Variants in ROBO2 observed in about 807,000 individuals in gnomAD.
ROBO2 encodes the protein roundabout homolog 2.
In ROBO2, 53 loss-of-function variants were observed where a neutral mutation model predicts 160.8. The observed-to-expected ratio is 0.33, with a 90% CI of 0.26 to 0.41. ROBO2 has a LOEUF of 0.41. ROBO2 is among the 10% of genes least tolerant of loss of function. The probability of loss-of-function intolerance (pLI) is 1.00; values close to 1 mark genes in which losing one functional copy is unlikely to be tolerated. For missense variants in ROBO2, 1,577 were observed against 1,722.4 expected (o/e 0.92, Z 1.49); for synonymous variants, 664 against 611.7 (o/e 1.09, Z -1.26).
At chr3:76,379,547 G>A (rs546169283) in intron 2 of ROBO2, among the ~76,000 whole-genome samples, 16 of 152,146 alleles carry the variant, frequency 1.1e-4, no homozygotes, top group East Asian at 9.7e-4. Flanking sequence ...ACCATGAAAC[G>A]TAAATTAAAC....
At chr3:76,661,090 A>G (rs1173551653) in intron 2 of ROBO2, among the ~76,000 whole-genome samples, 1 of 152,182 alleles carries the variant, frequency 6.6e-6, no homozygotes, top group African/African-American at 2.4e-5. Flanking sequence ...GACTTTTTTA[A>G]ACCATAAAAA....
At chr3:75,977,348 G>A (rs1360103048) in intron 2 of ROBO2, among the ~76,000 whole-genome samples, 1 of 151,388 alleles carries the variant, frequency 6.6e-6, no homozygotes, top group Non-Finnish European at 1.5e-5. Context: ...TGGTAGAATG[G>A]ATTATCTCAA....
At chr3:76,190,226 C>G (rs1191180914) in intron 2 of ROBO2, among the ~76,000 whole-genome samples, 1 of 151,990 alleles carries the variant, frequency 6.6e-6, no homozygotes, top group African/African-American at 2.4e-5. Flanking sequence ...TTGAATACAA[C>G]AAAATGATTG....
intron 2 of ROBO2, among the ~76,000 whole-genome samples, chr3:76,296,356 T>A (rs943844446): frequency 6.6e-6 from 1 of 152,126 alleles, no homozygotes; most frequent in Non-Finnish European, 1.5e-5. Context: ...ACAAAATGTG[T>A]GGTTGTTTGT....
intron 2 of ROBO2, among the ~76,000 whole-genome samples, chr3:76,552,328 A>T (rs1438150994): frequency 1.3e-5 from 2 of 152,206 alleles, no homozygotes; most frequent in Non-Finnish European, 2.9e-5. Flanking sequence ...ATAATTCATG[A>T]AGAGAAATCC....
exon 1 of ROBO2, chr3:77,040,370 G>C: frequency 4.0e-6 from 4 of 1,004,622 alleles, no homozygotes; most frequent in Non-Finnish European, 4.7e-6. Flanking sequence ...TCGGCAGCGC[G>C]CTGGCAAGTT....
chr3:76,095,581 C>G (rs1484572359), intron 2 of ROBO2, among the ~76,000 whole-genome samples: 1 of 152,000 alleles, frequency 6.6e-6, no homozygotes, highest in East Asian at 1.9e-4. Context: ...GAAGGCAACA[C>G]TAACCTATTA....
At chr3:77,356,708 C>A (rs1288061144) in intron 2 of ROBO2, among the ~76,000 whole-genome samples, 1 of 152,040 alleles carries the variant, frequency 6.6e-6, no homozygotes, top group Non-Finnish European at 1.5e-5. Flanking sequence ...AGGAATGATA[C>A]CATACAGTCT....
chr3:77,630,124 G>T (rs1274983372), intron 23 of ROBO2: 1 of 152,150 alleles, frequency 6.6e-6, no homozygotes, highest in Non-Finnish European at 1.5e-5. Flanking sequence ...TAGTGTTAGT[G>T]GCAATATCTC....
At chr3:76,243,993 G>A (rs1416394804) in intron 2 of ROBO2, among the ~76,000 whole-genome samples, 1 of 151,964 alleles carries the variant, frequency 6.6e-6, no homozygotes, top group East Asian at 1.9e-4. Context: ...TGATTCTATT[G>A]TCAGAATATG....
intron 2 of ROBO2, among the ~76,000 whole-genome samples, chr3:77,320,468 C>A (rs560949178): frequency 6.6e-6 from 1 of 152,074 alleles, no homozygotes; most frequent in Non-Finnish European, 1.5e-5. Flanking sequence ...CCCACTTTCT[C>A]AAGGCAAATT....
chr3:76,649,293 A>G (rs1276191231), intron 2 of ROBO2, among the ~76,000 whole-genome samples: 1 of 152,182 alleles, frequency 6.6e-6, no homozygotes, highest in Non-Finnish European at 1.5e-5. Context: ...TTGGGCCAGC[A>G]GAGTGCTATG....
intron 2 of ROBO2, among the ~76,000 whole-genome samples, chr3:76,827,206 G>A (rs1473468126): frequency 2.0e-5 from 3 of 152,106 alleles, no homozygotes; most frequent in African/African-American, 7.2e-5. Flanking sequence ...TCAGTCTGAC[G>A]ACTCTTAGGA....
intron 2 of ROBO2, among the ~76,000 whole-genome samples, chr3:75,969,891 A>C (rs2064942830): frequency 6.6e-6 from 1 of 151,528 alleles, no homozygotes; most frequent in Non-Finnish European, 1.5e-5. Context: ...AGTTTGATGC[A>C]GTCTTACTTG....
At chr3:77,025,648 A>G (rs953629212) in intron 2 of ROBO2, among the ~76,000 whole-genome samples, 1 of 152,082 alleles carries the variant, frequency 6.6e-6, no homozygotes, top group Non-Finnish European at 1.5e-5. Context: ...CTTAGGAAAA[A>G]TCTCCTGGGT....
intron 24 of ROBO2, chr3:77,642,882 A>G (rs755223990): frequency 6.6e-6 from 3 of 456,680 alleles, no homozygotes; most frequent in East Asian, 1.4e-4. Flanking sequence ...AGGAATGGAT[A>G]AGCTCCACAG....
At chr3:77,367,901 G>A (rs2071156546) in intron 2 of ROBO2, among the ~76,000 whole-genome samples, 2 of 151,870 alleles carry the variant, frequency 1.3e-5, no homozygotes, top group African/African-American at 4.8e-5. Flanking sequence ...TAATGGAAAG[G>A]GAAAATTAGT....
intron 2 of ROBO2, among the ~76,000 whole-genome samples, chr3:76,004,127 G>A (rs963517385): frequency 2.6e-5 from 4 of 152,062 alleles, no homozygotes; most frequent in African/African-American, 9.7e-5. Flanking sequence ...TATTTGCATG[G>A]CCTTAAACTA....
chr3:77,098,382 T>G (rs1032969625), intron 2 of ROBO2, 42 bp downstream of exon 2: 1 of 1,591,274 alleles, frequency 6.3e-7, no homozygotes, highest in African/African-American at 1.3e-5. Flanking sequence ...TTTACTTTTA[T>G]TTATTTCAAG....
Sources: allele counts gnomAD v4.1 joint callset (sites outside exome capture counted in the v4.1 genomes callset), GRCh38; gene constraint gnomAD v4.1.1; transcripts MANE v1.5; gene names NCBI Gene and HGNC (gene_info 2026-07-23, HGNC 2026-07-21).